The following ZNF536 variants were observed in gnomAD, a reference collection of about 807,000 sequenced individuals.
ZNF536 encodes zinc finger protein 536.
Under a neutral mutation model 84.5 loss-of-function variants are expected in ZNF536, and 13 were observed. That is an observed-to-expected ratio of 0.15 (90% CI 0.10 to 0.24). ZNF536 has a LOEUF of 0.24. ZNF536 is among the 10% of genes least tolerant of loss of function. The pLI, the probability that ZNF536 is intolerant of heterozygous loss-of-function variation, is 1.00. For synonymous variants in ZNF536, 811 were observed against 742.5 expected (o/e 1.09, Z -1.50); for missense variants, 1,536 against 1,747.5 (o/e 0.88, Z 2.16).
At chr19:30,458,447 GTTT>G (rs3084731) in intron 2 of ZNF536, among the ~76,000 whole-genome samples, 4 of 83,488 alleles carry the variant, frequency 4.8e-5, no homozygotes, top group African/African-American at 1.7e-4. Flanking sequence ...ATTTCCTGCT[GTTT>G]TTTTTTTTTT....
chr19:30,241,969 C>A (rs2023970557), intron 1 of ZNF536, among the ~76,000 whole-genome samples: 1 of 151,736 alleles, frequency 6.6e-6, no homozygotes, highest in South Asian at 2.1e-4. Context: ...ATGCAAAGGC[C>A]CTAAGGTTGG....
chr19:30,426,034 C>T (rs796116830), intron 1 of ZNF536, among the ~76,000 whole-genome samples: 5 of 152,222 alleles, frequency 3.3e-5, no homozygotes, highest in African/African-American at 7.2e-5. Context: ...AGTGGTGGGT[C>T]GGGGCTGGTA....
chr19:30,566,652 G>T (rs1194972141), intron 1 of ZNF536, among the ~76,000 whole-genome samples: 1 of 151,882 alleles, frequency 6.6e-6, no homozygotes, highest in Admixed American at 6.6e-5. Context: ...GGGGATCCCT[G>T]CCTGTGGCCT....
At chr19:30,699,266 C>T (rs1024509904) in intron 1 of ZNF536, among the ~76,000 whole-genome samples, 4 of 152,140 alleles carry the variant, frequency 2.6e-5, no homozygotes, top group Non-Finnish European at 5.9e-5. Flanking sequence ...CACTTCTAGA[C>T]CCTCTCAGCT....
intron 2 of ZNF536, among the ~76,000 whole-genome samples, chr19:30,510,995 G>A (rs1456375356): frequency 1.3e-5 from 2 of 152,218 alleles, no homozygotes; most frequent in African/African-American, 2.4e-5. Flanking sequence ...CAGAGGCTGA[G>A]CCCTGGCTGG....
chr19:30,660,854 T>C (rs2050097476), intron 1 of ZNF536, among the ~76,000 whole-genome samples: 2 of 152,360 alleles, frequency 1.3e-5, no homozygotes, highest in South Asian at 2.1e-4. Flanking sequence ...ATTTTATAGA[T>C]AAATATATTT....
chr19:30,369,437 C>G (rs890324811), upstream of ZNF536, among the ~76,000 whole-genome samples: 1 of 152,138 alleles, frequency 6.6e-6, no homozygotes, highest in Admixed American at 6.6e-5. Context: ...GCAAATGAAA[C>G]ATGAATGCAT....
intron 1 of ZNF536, among the ~76,000 whole-genome samples, chr19:30,572,656 A>ATC (rs1178331596): frequency 3.9e-5 from 6 of 152,210 alleles, no homozygotes; most frequent in Admixed American, 6.5e-5. Flanking sequence ...TCAAGATGAC[A>ATC]TCTCTCGTGG....
At chr19:30,350,109 A>T (rs2047886896) in intron 2 of ZNF536, among the ~76,000 whole-genome samples, 1 of 152,068 alleles carries the variant, frequency 6.6e-6, no homozygotes, top group South Asian at 2.1e-4. Context: ...ATTTTTCATG[A>T]CTTGTTTAAT....
At chr19:30,656,419 T>G (rs1164001281) in intron 1 of ZNF536, among the ~76,000 whole-genome samples, 15 of 152,220 alleles carry the variant, frequency 9.9e-5, no homozygotes, top group Admixed American at 9.8e-4. Flanking sequence ...GCCATGCTTT[T>G]GGTTATCCCC....
chr19:30,700,592 G>T (rs2147991383), intron 1 of ZNF536, among the ~76,000 whole-genome samples: 1 of 152,082 alleles, frequency 6.6e-6, no homozygotes, highest in African/African-American at 2.4e-5. Flanking sequence ...TTATTATATT[G>T]TCCAGGCTGG....
At chr19:30,692,965 C>A (rs2051472889) in intron 1 of ZNF536, among the ~76,000 whole-genome samples, 1 of 151,938 alleles carries the variant, frequency 6.6e-6, no homozygotes, top group Non-Finnish European at 1.5e-5. Context: ...TAGTTGAAAA[C>A]GATGGTGCCT....
intron 1 of ZNF536, among the ~76,000 whole-genome samples, chr19:30,670,262 C>T (rs959283221): frequency 6.6e-6 from 1 of 152,112 alleles, no homozygotes; most frequent in Non-Finnish European, 1.5e-5. Flanking sequence ...CCTCCTGCGC[C>T]GCTTCTCATT....
chr19:30,325,216 A>G (rs10422954), intron 2 of ZNF536, among the ~76,000 whole-genome samples: 1,903 of 152,284 alleles, frequency 0.012, 42 homozygotes, highest in African/African-American at 0.043. Context: ...GGGCTCCAGC[A>G]CCAGGCTGCA....
At chr19:30,524,423 A>C (rs2044492483) in intron 2 of ZNF536, among the ~76,000 whole-genome samples, 1 of 152,240 alleles carries the variant, frequency 6.6e-6, no homozygotes, top group Admixed American at 6.5e-5. Flanking sequence ...GCCAGCGTTC[A>C]TCAGGGACTT....
chr19:30,560,698 T>C (rs773471510), downstream of ZNF536, among the ~76,000 whole-genome samples: 8 of 152,236 alleles, frequency 5.3e-5, no homozygotes, highest in African/African-American at 9.6e-5. Flanking sequence ...AGATCCACTT[T>C]TCTATTTACA....
At chr19:30,457,324 C>T (rs1657187339) in intron 2 of ZNF536, among the ~76,000 whole-genome samples, 1 of 152,258 alleles carries the variant, frequency 6.6e-6, no homozygotes, top group African/African-American at 2.4e-5. Flanking sequence ...AGGAAGCAGA[C>T]AAGTCTCTTT....
At chr19:30,505,249 T>C (rs975987504) in intron 2 of ZNF536, among the ~76,000 whole-genome samples, 1 of 147,786 alleles carries the variant, frequency 6.8e-6, no homozygotes, top group Non-Finnish European at 1.5e-5. Context: ...ATATATTTAT[T>C]AATATATAAT....
intron 1 of ZNF536, among the ~76,000 whole-genome samples, chr19:30,633,963 CAT>C (rs1175812215): frequency 6.6e-6 from 1 of 152,078 alleles, no homozygotes; most frequent in Non-Finnish European, 1.5e-5. Context: ...ATCAGTGTAA[CAT>C]GTGGTGCTAT....
Sources: allele counts gnomAD v4.1 joint callset (sites outside exome capture counted in the v4.1 genomes callset), GRCh38; gene constraint gnomAD v4.1.1; transcripts MANE v1.5; gene names NCBI Gene and HGNC (gene_info 2026-07-23, HGNC 2026-07-21).